Variants in SLC71A2 observed in about 807,000 individuals in gnomAD.
SLC71A2 encodes hippocampus abundant transcript-like 1.
the SLC71A2 span, among the ~76,000 whole-genome samples, chr9:94,377,553 T>TTTA: frequency 0.036 from 4,722 of 132,036 alleles, 147 homozygotes; most frequent in Non-Finnish European, 0.058. Flanking sequence ...TTTTTTTTTT[T>TTTA]AATTTATTTT....
chr9:94,454,566 A>G, the SLC71A2 span, among the ~76,000 whole-genome samples: 3 of 145,962 alleles, frequency 2.1e-5, no homozygotes, highest in Admixed American at 1.3e-4. Flanking sequence ...GGGTTTCACC[A>G]TGTTGGCCAG....
chr9:94,459,091 A>C, the SLC71A2 span: 1 of 1,504,206 alleles, frequency 6.6e-7, no homozygotes, highest in East Asian at 2.3e-5. Context: ...TTTTTGGGTA[A>C]TCTAGGAATA....
the SLC71A2 span, among the ~76,000 whole-genome samples, chr9:94,442,290 A>G: frequency 3.8e-4 from 58 of 152,184 alleles, no homozygotes; most frequent in Non-Finnish European, 1.8e-4. Flanking sequence ...TAAATGGGTT[A>G]CTACTATTCC....
the SLC71A2 span, chr9:94,451,652 C>A: frequency 4.1e-6 from 2 of 492,008 alleles, no homozygotes; most frequent in Admixed American, 3.8e-5. Flanking sequence ...TCCCTCACCC[C>A]CTGCTATGGT....
the SLC71A2 span, among the ~76,000 whole-genome samples, chr9:94,455,238 G>A: frequency 2.2e-5 from 3 of 134,842 alleles, no homozygotes; most frequent in South Asian, 2.4e-4. Context: ...CACAATCATG[G>A]CTTACTATTA....
At chr9:94,454,930 C>A in the SLC71A2 span, among the ~76,000 whole-genome samples, 1 of 151,944 alleles carries the variant, frequency 6.6e-6, no homozygotes, top group Non-Finnish European at 1.5e-5. Context: ...TAGAAGGAAT[C>A]GTGAGTTTTG....
At chr9:94,453,857 A>T in the SLC71A2 span, 1 of 776,964 alleles carries the variant, frequency 1.3e-6, no homozygotes, top group Non-Finnish European at 2.2e-6. Context: ...GTGTGCCCTT[A>T]GAGGTCTCTG....
At chr9:94,414,611 T>C in the SLC71A2 span, among the ~76,000 whole-genome samples, 1 of 152,170 alleles carries the variant, frequency 6.6e-6, no homozygotes, top group East Asian at 1.9e-4. Flanking sequence ...CCAGTTGATT[T>C]TCTACTAAAG....
the SLC71A2 span, chr9:94,440,871 A>C: frequency 1.7e-6 from 1 of 576,904 alleles, no homozygotes; most frequent in South Asian, 2.6e-5. Flanking sequence ...ATACATACAT[A>C]TACAAGTATA....
the SLC71A2 span, among the ~76,000 whole-genome samples, chr9:94,435,592 C>A: frequency 1.3e-5 from 2 of 151,116 alleles, no homozygotes; most frequent in Non-Finnish European, 2.9e-5. Flanking sequence ...ACATTCATTA[C>A]AAGTAGACTT....
the SLC71A2 span, chr9:94,374,453 C>G: frequency 3.9e-5 from 6 of 152,450 alleles, no homozygotes; most frequent in African/African-American, 1.4e-4. Flanking sequence ...AGGCGCGGGA[C>G]TCGTTCTCGA....
the SLC71A2 span, among the ~76,000 whole-genome samples, chr9:94,439,305 C>G: frequency 6.9e-5 from 8 of 116,616 alleles, no homozygotes; most frequent in African/African-American, 2.5e-4. Context: ...CAGTGCGCAG[C>G]CCAATTTTTT....
chr9:94,460,455 A>G, the SLC71A2 span: 1 of 152,600 alleles, frequency 6.6e-6, no homozygotes, highest in South Asian at 2.1e-4. Flanking sequence ...TCGCATGGGA[A>G]TACGCACATT....
chr9:94,420,829 G>GCTTGAAC, the SLC71A2 span, among the ~76,000 whole-genome samples: 39 of 152,182 alleles, frequency 2.6e-4, no homozygotes, highest in African/African-American at 8.4e-4. Flanking sequence ...AACCCAGGAG[G>GCTTGAAC]CAGTGATTGT....
chr9:94,381,476 T>G, the SLC71A2 span, among the ~76,000 whole-genome samples: 1 of 152,222 alleles, frequency 6.6e-6, no homozygotes, highest in African/African-American at 2.4e-5. Context: ...TCTTTTTAAT[T>G]ACTGAGTAGT....
chr9:94,414,753 G>A, the SLC71A2 span, among the ~76,000 whole-genome samples: 10 of 152,066 alleles, frequency 6.6e-5, no homozygotes, highest in African/African-American at 1.9e-4. Flanking sequence ...TCCGGCACCC[G>A]GGTTCAAGCA....
chr9:94,432,354 G>A, the SLC71A2 span, among the ~76,000 whole-genome samples: 1 of 150,760 alleles, frequency 6.6e-6, no homozygotes, highest in African/African-American at 2.4e-5. Flanking sequence ...TGCAAAATTA[G>A]CCGGTTGTGG....
chr9:94,411,562 G>A, the SLC71A2 span, among the ~76,000 whole-genome samples: 1 of 151,422 alleles, frequency 6.6e-6, no homozygotes, highest in African/African-American at 2.4e-5. Flanking sequence ...AGGATTCTAA[G>A]TTAATTATTC....
chr9:94,431,980 C>T, the SLC71A2 span, among the ~76,000 whole-genome samples: 2 of 152,180 alleles, frequency 1.3e-5, no homozygotes, highest in East Asian at 1.9e-4. Flanking sequence ...TGAATGCTAC[C>T]ACCCAGCAGA....
Sources: gnomAD v4.1 joint callset for allele counts (sites outside exome capture counted in the v4.1 genomes callset) on GRCh38, gnomAD v4.1.1 for gene constraint, MANE v1.5 for transcripts, NCBI Gene and HGNC (gene_info 2026-07-23, HGNC 2026-07-21) for gene names.